MYBPC3: variants seen among roughly 807,000 people sequenced by gnomAD.
MYBPC3 encodes myosin-binding protein C, cardiac-type.
Under a neutral mutation model 159.3 loss-of-function variants are expected in MYBPC3, and 108 were observed. The observed-to-expected ratio is 0.68, with a 90% CI of 0.58 to 0.80. The LOEUF (loss-of-function observed/expected upper bound fraction) is 0.80, where lower values mean the gene tolerates loss of function less well. Ranked by LOEUF, MYBPC3 falls within the 30% of genes least tolerant of loss-of-function variation. The pLI, the probability that MYBPC3 is intolerant of heterozygous loss-of-function variation, is 0.00. For missense variants in MYBPC3, 1,631 were observed against 1,762.1 expected, an observed-to-expected ratio of 0.93 and a Z score of 1.33; for synonymous variants, 730 against 702.0, an observed-to-expected ratio of 1.04 and a Z score of -0.63.
At position 47,343,571 on chromosome 11, in the gene MYBPC3, G is replaced by A. The variant is rs11570076; in HGVS notation, c.1144C>T (p.Arg382Trp). 2.5e-3 allele frequency: 4,049 copies of A among 1,611,812 alleles called. 105 individuals are homozygous for A. In the African/African-American group the frequency reaches 0.047, roughly 19 times the overall value. ...TGGTCAGCCAGTTCCACGGTCAGCC[G>A]GATCTTGTGGCCTTTGCTCACCTGG... Reference protein sequence around the residue: ...AYQVSKGHKIRLTVELADHDA... With the variant: ...AYQVSKGHKIWLTVELADHDA... The change falls in exon 13 of 35, where the codon CGG becomes TGG. Residue 382 changes from arginine (R) to tryptophan (W), a missense_variant. Arg to Trp is a moderately radical substitution (Grantham distance 101, BLOSUM62 -3). Coordinates refer to ENST00000545968, the MANE Select transcript of MYBPC3 (RefSeq NM_000256.3).
chr11:47,348,672 G>C lies in MYBPC3; in HGVS notation c.655-131C>G, dbSNP rs908887764. 18 of 617,312 alleles carry C rather than the reference G, an allele frequency of 2.9e-5. No homozygotes were observed. In the African/African-American group the frequency reaches 3.3e-4, roughly 11 times the overall value. 38.2% of individuals were successfully genotyped at this position (617,312 alleles called of 1,614,324 possible). On this transcript the variant is annotated intron_variant, in intron 5 of 34. Transcript: ENST00000545968. The stretch of plus-strand genomic sequence containing the variant: ...TGTAATCCCCACTTTGGGAGGCTGA[G>C]GCGGGCGGATCACATAAGACCAGGA...
At chr11:47,343,351 CA>C in intron 13 of MYBPC3, 89 bp from the exon 14 acceptor site, 1 of 1,490,122 alleles carries the variant, frequency 6.7e-7, no homozygotes, top group Non-Finnish European at 8.9e-7. Context: ...CCGGCAGGAG[CA>C]AAAGGATGGG....
chr11:47,344,032 G>A (rs1014836133), intron 12 of MYBPC3, among the ~76,000 whole-genome samples: 20 of 151,990 alleles, frequency 1.3e-4, no homozygotes, highest in Non-Finnish European at 2.4e-4. Context: ...CAGGTGATGC[G>A]CCCGCCTCAG....
In MYBPC3 at chr11:47,337,506, C is replaced by G; in HGVS notation, c.2487G>C (p.Leu829=). The G allele has an allele frequency of 6.2e-7, 1 of 1,614,066 alleles. No individual in the cohort carries two copies. The highest frequency in any genetic ancestry group is 8.5e-7 in the Non-Finnish European group (1 of 1,179,906). The change falls in exon 25 of 35, where the codon CTG becomes CTC. Residue 829 remains leucine, a synonymous_variant. Coordinates refer to ENST00000545968, the MANE Select transcript of MYBPC3 (RefSeq NM_000256.3). Reference sequence around the variant, plus strand: ...CGATCATGCGCCGCGCTTCATGACTCAGCTCCTGAATCAGGTCGAAGTTCA... The same window carrying G: ...CGATCATGCGCCGCGCTTCATGACTGAGCTCCTGAATCAGGTCGAAGTTCA... The part of the protein sequence containing the change: ...MRLNFDLIQE[L]SHEARRMIEG...
rs766213616 is a variant in MYBPC3 at position 47,339,745 on chromosome 11, G to T, written c.1973C>A (p.Thr658Asn). Residue 658 changes from threonine (T) to asparagine (N), a missense_variant, in exon 21 of 35, where the codon ACC (threonine) becomes AAC (asparagine). Coordinates refer to ENST00000545968, the MANE Select transcript of MYBPC3 (RefSeq NM_000256.3). ...CTTATTTCCAGCTACAACCACAATGGTGTCTGGTATGCGGCCTGGGCAGTC... is the reference window on the plus strand; with the variant it reads ...CTTATTTCCAGCTACAACCACAATGTTGTCTGGTATGCGGCCTGGGCAGTC... ...HLDCPGRIPD[T>N]IVVVAGNKLR... The T allele has an allele frequency of 1.2e-6, 2 of 1,613,958 alleles. No homozygotes were observed. Among genetic ancestry groups the T allele is most frequent in the Admixed American group, 3.3e-5 (2 of 60,026 alleles).
intron 20 of MYBPC3, 99 bp from the exon 21 acceptor site, chr11:47,339,889 G>A (rs1388247648): frequency 1.5e-6 from 2 of 1,357,792 alleles, no homozygotes. Context: ...CTGGTTATTG[G>A]TTTTTTAGAT....
chr11:47,342,798 C>T lies in MYBPC3; in HGVS notation c.1457+32G>A, dbSNP rs1290173002. The T allele has an allele frequency of 1.9e-6, 3 of 1,612,068 alleles. No homozygotes were observed. In the Admixed American group the frequency reaches 5.0e-5, roughly 27 times the overall value. ...GTGGCCTCTTCTGGGCAGATGCCCC[C>T]AACACCCATGCCCCGTGCTTCTGGA... On this transcript the variant is annotated intron_variant, in intron 16 of 34. Transcript: ENST00000545968.
chr11:47,349,832 A>G lies in MYBPC3; in HGVS notation c.596T>C (p.Leu199Pro), dbSNP rs878853835. 2.5e-6 allele frequency: 4 copies of G among 1,611,860 alleles called. No homozygotes were observed. The African/African-American group carries it at 4.0e-5, about 16-fold the overall frequency. The change falls in exon 5 of 35, where the codon CTG becomes CCG. Residue 199 changes from leucine to proline, a missense_variant. Transcript: ENST00000545968. ...VKWFKGKWVD[L>P]SSKVGQHLQL... ...CAGGTGCTGGCCCACCTTGCTGCTCAGGTCCACCCATTTGCCCTTGAACCA... is the reference window on the plus strand; with the variant it reads ...CAGGTGCTGGCCCACCTTGCTGCTCGGGTCCACCCATTTGCCCTTGAACCA...
chr11:47,341,415 G>T (rs2095888465), intron 18 of MYBPC3, among the ~76,000 whole-genome samples, 171 bp from the exon 19 acceptor site: 1 of 152,144 alleles, frequency 6.6e-6, no homozygotes, highest in African/African-American at 2.4e-5. Context: ...GCTTTTTAAT[G>T]TGCCTTCAGA....
chr11:47,341,999 G>A lies in MYBPC3; in HGVS notation c.1782C>T (p.His594=), dbSNP rs1426898533. Residue 594 remains histidine, a synonymous_variant, in exon 18 of 35, where the codon CAC becomes CAT. Coordinates refer to ENST00000545968, the MANE Select transcript of MYBPC3 (RefSeq NM_000256.3). ...LVPDSRIKVS[H]IGRVHKLTID... ...CTGCCCTGCACACTCACCGCCCGAT[G>A]TGGGACACCTTTATGCGGCTGTCGG... 6.4e-7 allele frequency: 1 copy of A among 1,567,228 alleles called. No individual in the cohort carries two copies. The highest frequency in any genetic ancestry group is 1.2e-5 in the South Asian group (1 of 85,620).
At chr11:47,333,880 A>T in intron 28 of MYBPC3, 42 bp downstream of exon 28, 1 of 1,555,376 alleles carries the variant, frequency 6.4e-7, no homozygotes. Flanking sequence ...AACACACTAT[A>T]GCCTCTCTCC....
intron 20 of MYBPC3, 124 bp from the exon 21 acceptor site, chr11:47,339,914 A>T: frequency 9.3e-7 from 1 of 1,072,242 alleles, no homozygotes; most frequent in Non-Finnish European, 1.3e-6. Context: ...ATTGAGGTAT[A>T]GTTTATGCTC....
intron 25 of MYBPC3, 138 bp downstream of exon 25, chr11:47,337,253 G>T: frequency 1.1e-6 from 1 of 918,802 alleles, no homozygotes; most frequent in Non-Finnish European, 1.6e-6. Context: ...GTAAAATGCG[G>T]CTGAGTATCC....
chr11:47,332,989 G>A lies in MYBPC3; in HGVS notation c.3331-16C>T. On this transcript the variant is annotated splice_polypyrimidine_tract_variant and intron_variant, in intron 30 of 34. Transcript: ENST00000545968. The surrounding 1 kb of genome is among the most constrained non-coding windows in gnomAD (Gnocchi z 4.2). ...TGAACCACTCCTGGGGGCAGGGAGGGAGGGGAGGCATCTCTGGGCCAGGCC... is the reference window on the plus strand; with the variant it reads ...TGAACCACTCCTGGGGGCAGGGAGGAAGGGGAGGCATCTCTGGGCCAGGCC... 1 of 1,603,632 alleles carries A rather than the reference G, an allele frequency of 6.2e-7. No homozygotes were observed. Among genetic ancestry groups the A allele is most frequent in the Non-Finnish European group, 8.5e-7 (1 of 1,174,914 alleles).
At chr11:47,348,581 G>A (rs1467308745) in intron 5 of MYBPC3, 40 bp from the exon 6 acceptor site, 4 of 1,523,856 alleles carry the variant, frequency 2.6e-6, no homozygotes, top group East Asian at 4.7e-5. Context: ...GGACACCAGG[G>A]GCCGGGAGAC....
chr11:47,347,627 A>T (rs1226827254), intron 8 of MYBPC3, 24 bp downstream of exon 8: 1 of 1,571,200 alleles, frequency 6.4e-7, no homozygotes, highest in African/African-American at 1.4e-5. Context: ...CGGATGGTGC[A>T]GGTAGGGCCT....
At chr11:47,345,013 C>T (rs551872383) in intron 12 of MYBPC3, among the ~76,000 whole-genome samples, 10 of 152,330 alleles carry the variant, frequency 6.6e-5, no homozygotes, top group Admixed American at 2.6e-4. Flanking sequence ...TGGTCTTGAA[C>T]GCCTAACCTC....
chr11:47,337,890 G>C lies in MYBPC3; in HGVS notation c.2309-96C>G, dbSNP rs11570096. On this transcript the variant is annotated intron_variant, in intron 23 of 34. Coordinates refer to ENST00000545968, the MANE Select transcript of MYBPC3 (RefSeq NM_000256.3). ...TTCCCACTCCAACTAACCGCCACAG[G>C]CTGCCCCCACCACCCCCAGATCCAA... 1.6e-3 allele frequency: 1,548 copies of C among 995,714 alleles called. 25 individuals are homozygous for C. The African/African-American group carries it at 0.022, about 14-fold the overall frequency. 61.7% of individuals were successfully genotyped at this position (995,714 alleles called of 1,614,324 possible).
chr11:47,334,531 G>A (rs1292260703), intron 27 of MYBPC3, among the ~76,000 whole-genome samples: 1 of 152,092 alleles, frequency 6.6e-6, no homozygotes, highest in Non-Finnish European at 1.5e-5. Flanking sequence ...CCAGAACTAA[G>A]GGACTGACAT....
Sources: gnomAD v4.1 joint callset for allele counts (sites outside exome capture counted in the v4.1 genomes callset) on GRCh38, gnomAD v4.1.1 for gene constraint, Gnocchi (gnomAD v3.1) non-coding constraint, MANE v1.5 for transcripts, NCBI Gene and HGNC (gene_info 2026-07-23, HGNC 2026-07-21) for gene names.